SCN8A: variants seen among roughly 807,000 people sequenced by gnomAD.
SCN8A encodes the protein sodium channel protein type 8 subunit alpha.
In SCN8A, 30 loss-of-function variants were observed where a neutral mutation model predicts 184.1. That is an observed-to-expected ratio of 0.16 (90% CI 0.12 to 0.22). SCN8A has a LOEUF of 0.22. SCN8A is among the 10% of genes least tolerant of loss of function. SCN8A has a pLI of 1.00. For synonymous variants in SCN8A, 852 were observed against 907.0 expected, an observed-to-expected ratio of 0.94 and a Z score of 1.09; for missense variants, 1,057 against 2,498.9, an observed-to-expected ratio of 0.42 and a Z score of 12.30.
chr12:51,719,604 G>A (rs2138776518), intron 11 of SCN8A, among the ~76,000 whole-genome samples: 1 of 89,968 alleles, frequency 1.1e-5, no homozygotes, highest in East Asian at 3.1e-4. Context: ...GGCCAAGGCA[G>A]GAGGATCACT....
At chr12:51,686,997 T>G in intron 4 of SCN8A, 94 bp from the exon 5 acceptor site, 1 of 1,322,924 alleles carries the variant, frequency 7.6e-7, no homozygotes, top group Non-Finnish European at 1.1e-6. Flanking sequence ...TTGTCTCTCT[T>G]AGTTGAAGCA....
At chr12:51,744,404 TC>T (rs1942476114) in intron 12 of SCN8A, among the ~76,000 whole-genome samples, 1 of 152,196 alleles carries the variant, frequency 6.6e-6, no homozygotes, top group Non-Finnish European at 1.5e-5. Flanking sequence ...CTCTCCTTTT[TC>T]CACAGGCAGG....
At chr12:51,800,411 A>G (rs1220560616) in intron 26 of SCN8A, among the ~76,000 whole-genome samples, 1 of 152,016 alleles carries the variant, frequency 6.6e-6, no homozygotes, top group African/African-American at 2.4e-5. Context: ...GGGAATCACC[A>G]CCCCTGCATC....
At chr12:51,663,266 G>T (rs1264947215) in intron 2 of SCN8A, among the ~76,000 whole-genome samples, 173 bp downstream of exon 2, 6 of 152,158 alleles carry the variant, frequency 3.9e-5, no homozygotes, top group Non-Finnish European at 8.8e-5. Flanking sequence ...AGGGTCATTT[G>T]TGGTCTTGGC....
intron 1 of SCN8A, among the ~76,000 whole-genome samples, chr12:51,594,449 C>T (rs775255781): frequency 1.3e-5 from 2 of 152,030 alleles, no homozygotes; most frequent in Non-Finnish European, 2.9e-5. Flanking sequence ...CCACCTAAAG[C>T]AAGAAAAACA....
intron 6 of SCN8A, among the ~76,000 whole-genome samples, chr12:51,696,753 G>A (rs370523647): frequency 1.1e-4 from 17 of 152,024 alleles, no homozygotes; most frequent in African/African-American, 3.6e-4. Flanking sequence ...AGGTCAGGCC[G>A]GGTGCAGTGG....
intron 12 of SCN8A, among the ~76,000 whole-genome samples, chr12:51,724,104 C>G (rs1323454015): frequency 6.6e-6 from 1 of 152,142 alleles, no homozygotes; most frequent in East Asian, 1.9e-4. Context: ...CAATAATAAT[C>G]CTCTGGTTTC....
intron 1 of SCN8A, among the ~76,000 whole-genome samples, chr12:51,610,219 G>A (rs1939692156): frequency 6.6e-6 from 1 of 150,494 alleles, no homozygotes; most frequent in Admixed American, 6.6e-5. Context: ...CTCACTCTTG[G>A]TGTCCGGTTG....
rs959207299 is a variant in SCN8A at position 51,790,566 on chromosome 12, T to C, written c.4524+64T>C. ...CATATAGGAAAAGTACTAGTAGAGT[T>C]ACTGCAAAGGAAGGAAAAAGGTAAG... On this transcript the variant is annotated intron_variant, in intron 25 of 26. Coordinates refer to ENST00000627620, the MANE Select transcript of SCN8A (RefSeq NM_001330260.2). 3 of 1,072,706 alleles carry C rather than the reference T, an allele frequency of 2.8e-6. No homozygotes were observed. In the African/African-American group the frequency reaches 4.8e-5, roughly 17 times the overall value. The allele number at this position is 1,072,706 out of a possible 1,614,324, so 66.4% of individuals were successfully genotyped here.
rs1157823239 is a variant in SCN8A, at chr12:51,738,813, A to G, written c.1999-7090A>G. 2.0e-5 allele frequency among the ~76,000 whole-genome samples: 3 copies of G among 152,208 alleles called. No individual in the cohort carries two copies. The South Asian group carries it at 6.2e-4, about 32-fold the overall frequency. ...CTATTGTCCCTGCTGGCAAGGGTCC[A>G]CAGACTCCTGTTGGGACCTTTTGCG... On this transcript the variant is annotated intron_variant, in intron 12 of 26. Transcript: ENST00000627620.
At chr12:51,635,673 G>A (rs1179907943) in intron 1 of SCN8A, among the ~76,000 whole-genome samples, 4 of 152,240 alleles carry the variant, frequency 2.6e-5, no homozygotes, top group African/African-American at 7.2e-5. Flanking sequence ...AGATGCTGGT[G>A]CCTTACTAGA....
chr12:51,622,532 G>A (rs575299355), intron 1 of SCN8A, among the ~76,000 whole-genome samples: 1 of 152,250 alleles, frequency 6.6e-6, no homozygotes, highest in African/African-American at 2.4e-5. Context: ...ATTTAGGTTT[G>A]TATGATGTTT....
At chr12:51,805,741 C>G (rs563513747) in intron 26 of SCN8A, among the ~76,000 whole-genome samples, 9 of 152,096 alleles carry the variant, frequency 5.9e-5, no homozygotes, top group Non-Finnish European at 1.2e-4. Context: ...CAAAAAACAA[C>G]AACATCAAAA....
At chr12:51,712,943 T>G in intron 11 of SCN8A, 1 of 1,594,040 alleles carries the variant, frequency 6.3e-7, no homozygotes, top group South Asian at 1.1e-5. Context: ...CCCATAAAAT[T>G]GCCAGATCCA....
Position 51,663,078 on chromosome 12 carries a change from C to T in SCN8A, c.261C>T (p.Tyr87=), listed in dbSNP as rs1484586967. 8 of 1,613,486 alleles carry T rather than the reference C, an allele frequency of 5.0e-6. No homozygotes were observed. Among genetic ancestry groups the T allele is most frequent in the African/African-American group, 1.3e-5 (1 of 74,934 alleles). ...VAVPLEDFDP[Y]YLTQKTFVVL... ...TTCCCCTGGAGGACTTTGACCCATA[C>T]TATTTGACGCAGAAAGTGAGTTGGA... is the stretch of plus-strand genomic sequence containing the variant. Residue 87 remains tyrosine (Y), a synonymous_variant, in exon 2 of 27, where the codon TAC becomes TAT. Coordinates refer to ENST00000627620, the MANE Select transcript of SCN8A (RefSeq NM_001330260.2).
chr12:51,603,216 C>T (rs1939507032), intron 1 of SCN8A, among the ~76,000 whole-genome samples: 1 of 152,184 alleles, frequency 6.6e-6, no homozygotes, highest in African/African-American at 2.4e-5. Flanking sequence ...GATTGGTTCT[C>T]CATTCCTGTG....
chr12:51,686,355 G>A lies in SCN8A; in HGVS notation c.396-13G>A. On this transcript the variant is annotated splice_polypyrimidine_tract_variant and intron_variant, in intron 3 of 26. Coordinates refer to ENST00000627620, the MANE Select transcript of SCN8A (RefSeq NM_001330260.2). ...AGGCCAGATTTTAATATTGCCCCTT[G>A]ACTCTTCTCTACAGTATTTAGCATG... 6.4e-7 allele frequency: 1 copy of A among 1,568,700 alleles called. No homozygotes were observed. The highest frequency in any genetic ancestry group is 8.8e-7 in the Non-Finnish European group (1 of 1,140,950).
intron 12 of SCN8A, among the ~76,000 whole-genome samples, chr12:51,731,984 G>A (rs1942250773): frequency 6.6e-6 from 1 of 152,114 alleles, no homozygotes; most frequent in Admixed American, 6.5e-5. Context: ...CTTGTCAGAT[G>A]GATAGTTTTC....
chr12:51,712,325 G>A, intron 11 of SCN8A: 1 of 578,092 alleles, frequency 1.7e-6, no homozygotes, highest in East Asian at 2.9e-5. Flanking sequence ...TCTGACTATG[G>A]ATCATCCTTC....
Sources: allele counts gnomAD v4.1 joint callset (sites outside exome capture counted in the v4.1 genomes callset), GRCh38; gene constraint gnomAD v4.1.1; transcripts MANE v1.5; gene names NCBI Gene and HGNC (gene_info 2026-07-23, HGNC 2026-07-21).